Variants in PPP4R3A observed in about 807,000 individuals in gnomAD.
PPP4R3A encodes the protein protein phosphatase 4 regulatory subunit 3A.
PPP4R3A carries 15 observed loss-of-function variants against 91.7 expected under a neutral mutation model. The ratio of observed to expected loss-of-function variants is 0.16; its 90% confidence interval spans 0.11 to 0.25. The LOEUF is 0.25. PPP4R3A is among the 10% of genes least tolerant of loss of function. The probability of loss-of-function intolerance (pLI) is 1.00; values close to 1 mark genes in which losing one functional copy is unlikely to be tolerated. For missense variants in PPP4R3A, 623 were observed against 998.4 expected, an observed-to-expected ratio of 0.62 and a Z score of 5.07; for synonymous variants, 377 against 348.7, an observed-to-expected ratio of 1.08 and a Z score of -0.91.
intron 2 of PPP4R3A, among the ~76,000 whole-genome samples, chr14:91,487,881 G>A (rs1261308471): frequency 1.3e-5 from 2 of 152,100 alleles, no homozygotes; most frequent in African/African-American, 2.4e-5. Flanking sequence ...CATGCCCAAT[G>A]TTTGTATTTT....
At chr14:91,470,685 T>C in intron 10 of PPP4R3A, 152 bp downstream of exon 10, 1 of 794,070 alleles carries the variant, frequency 1.3e-6, no homozygotes, top group Non-Finnish European at 2.0e-6. Context: ...AAACACCTGC[T>C]CAACATGGCA....
chr14:91,471,134 T>A, intron 9 of PPP4R3A, 139 bp from the exon 10 acceptor site: 1 of 738,284 alleles, frequency 1.4e-6, no homozygotes, highest in Middle Eastern at 4.0e-4. Context: ...GAAATTAGCA[T>A]TTACTGAACG....
At chr14:91,462,336 T>C in intron 12 of PPP4R3A, 97 bp from the exon 13 acceptor site, 3 of 1,192,042 alleles carry the variant, frequency 2.5e-6, no homozygotes, top group South Asian at 2.4e-5. Flanking sequence ...GGAATTAACA[T>C]GAAATTTACA....
chr14:91,483,113 AT>A (rs954785972), intron 3 of PPP4R3A, among the ~76,000 whole-genome samples: 3 of 151,996 alleles, frequency 2.0e-5, no homozygotes, highest in Non-Finnish European at 2.9e-5. Context: ...AAAGTAAGGC[AT>A]TTTTTTTGGT....
In PPP4R3A at chr14:91,461,455, C is replaced by T. The variant is rs774242522; in HGVS notation, c.2317G>A (p.Gly773Arg). 3.1e-6 allele frequency: 5 copies of T among 1,613,914 alleles called. No individual in the cohort carries two copies. Among genetic ancestry groups the T allele is most frequent in the Non-Finnish European group, 2.5e-6 (3 of 1,179,984 alleles). ...GGAGAGCCTGGAGATCCTGGGGATC[C>T]AGGTGATCCCGGAGAACCAGGCAGA... The part of the protein sequence containing the change: ...TNLPGSPGSP[G>R]SPGSPGSPGS... Residue 773 changes from glycine (G) to arginine (R), a missense_variant, in exon 14 of 15, where the codon GGA becomes AGA. Gly to Arg is a moderately radical substitution (Grantham distance 125). Transcript: ENST00000554943.
chr14:91,473,443 AC>A, intron 7 of PPP4R3A, 73 bp from the exon 8 acceptor site: 1 of 1,486,528 alleles, frequency 6.7e-7, no homozygotes, highest in Admixed American at 2.0e-5. Flanking sequence ...TAAGACACAT[AC>A]CACAGCATTA....
At chr14:91,489,288 T>C (rs1890092463) in intron 2 of PPP4R3A, among the ~76,000 whole-genome samples, 1 of 152,122 alleles carries the variant, frequency 6.6e-6, no homozygotes, top group Non-Finnish European at 1.5e-5. Flanking sequence ...CTGCCCAAAT[T>C]AGATGGCTCC....
Position 91,481,492 on chromosome 14 carries a change from TAA to T in PPP4R3A, c.915+82_915+83del, listed in dbSNP as rs1889557070. The T allele has an allele frequency of 1.4e-5, 19 of 1,367,860 alleles. No homozygotes were observed. The Admixed American group carries it at 5.2e-4, about 38-fold the overall frequency. The allele number at this position is 1,367,860 out of a possible 1,614,324, so 84.7% of individuals were successfully genotyped here. On this transcript the variant is annotated intron_variant, in intron 4 of 14. Coordinates refer to ENST00000554943, the MANE Select transcript of PPP4R3A (RefSeq NM_001366432.2). ...ACTTAACTTTATACATTAACAAAAT[TAA>T]AACTCAATGTATGTATTTAAAAGGA...
At chr14:91,480,198 A>G (rs1295448917) in intron 4 of PPP4R3A, among the ~76,000 whole-genome samples, 1 of 152,192 alleles carries the variant, frequency 6.6e-6, no homozygotes, top group East Asian at 1.9e-4. Flanking sequence ...TAGACACTTA[A>G]AAAATTCCCA....
intron 1 of PPP4R3A, among the ~76,000 whole-genome samples, chr14:91,492,534 T>C (rs1890287778): frequency 6.6e-6 from 1 of 152,182 alleles, no homozygotes; most frequent in African/African-American, 2.4e-5. Context: ...ACTCAATTTG[T>C]ATATGTCTTA....
intron 1 of PPP4R3A, among the ~76,000 whole-genome samples, chr14:91,494,754 T>C (rs1488979625): frequency 6.6e-6 from 1 of 152,078 alleles, no homozygotes; most frequent in Non-Finnish European, 1.5e-5. Context: ...TAAACCCAGC[T>C]ACTCAGGAGG....
At position 91,493,590 on chromosome 14, in the gene PPP4R3A, G is replaced by C. The variant is rs1890360099; in HGVS notation, c.143-2788C>G. ...GGGAGGATTGCTTGAGGCTAGCCTG[G>C]TCTCATATATAGGATGGTGAGACCC... On this transcript the variant is annotated intron_variant, in intron 1 of 14. Transcript: ENST00000554943. 2.7e-5 allele frequency among the ~76,000 whole-genome samples: 4 copies of C among 150,264 alleles called. No homozygotes were observed. The South Asian group carries it at 8.3e-4, about 31-fold the overall frequency.
chr14:91,481,756 C>T lies in PPP4R3A; in HGVS notation c.735G>A (p.Lys245=), dbSNP rs1232891473. The T allele has an allele frequency of 3.1e-6, 5 of 1,613,766 alleles. No individual in the cohort carries two copies. The African/African-American group carries it at 6.7e-5, about 22-fold the overall frequency. The part of the protein sequence containing the change: ...KHREFLTKTA[K]FKEVIPISDP... The stretch of plus-strand genomic sequence containing the variant: ...CTGATATGGGAATCACTTCTTTAAA[C>T]TTGGCTGTTTTTGTTAGAAATTCCC... Residue 245 remains lysine, a synonymous_variant, in exon 4 of 15, where the codon AAG becomes AAA. Coordinates refer to ENST00000554943, the MANE Select transcript of PPP4R3A (RefSeq NM_001366432.2).
At chr14:91,478,731 C>T (rs1044875438) in intron 4 of PPP4R3A, among the ~76,000 whole-genome samples, 1 of 139,904 alleles carries the variant, frequency 7.1e-6, no homozygotes, top group Non-Finnish European at 1.7e-5. Flanking sequence ...TATTTTAGTT[C>T]ATACTTTTCC....
rs1337336412 is a variant in PPP4R3A, at chr14:91,475,960, C to T, written c.1117G>A (p.Asp373Asn). 2.6e-6 allele frequency: 4 copies of T among 1,550,506 alleles called. No individual in the cohort carries two copies. The Admixed American group carries it at 9.1e-5, about 35-fold the overall frequency. The stretch of plus-strand genomic sequence containing the variant: ...GCAGCACTTCGCACCTGTGTATCAT[C>T]CATGCCCTGCAGACAAAAAACATTT... ...LPALEVILGMDDTQVRSAATD... is the reference protein window; with the variant it reads ...LPALEVILGMNDTQVRSAATD... Residue 373 changes from aspartate (D) to asparagine (N), a missense_variant, in exon 7 of 15, where the codon GAT becomes AAT. This residue lies in a region of PPP4R3A where 264 missense variants were observed against 377.3 expected (regional missense o/e 0.70). Transcript: ENST00000554943.
chr14:91,499,318 G>A lies in PPP4R3A; in HGVS notation c.143-8516C>T, dbSNP rs1398629955. Among the ~76,000 whole-genome samples the A allele has an allele frequency of 3.3e-5, 5 of 151,936 alleles. No homozygotes were observed. In the East Asian group the frequency reaches 9.7e-4, roughly 29 times the overall value. On this transcript the variant is annotated intron_variant, in intron 1 of 14. Coordinates refer to ENST00000554943, the MANE Select transcript of PPP4R3A (RefSeq NM_001366432.2). Reference sequence around the variant, plus strand: ...AAACAAAACAAAAAAAAGTCTAAAGGTATCCTGAGAAAAAAAGTTCGAGGA... The same window carrying A: ...AAACAAAACAAAAAAAAGTCTAAAGATATCCTGAGAAAAAAAGTTCGAGGA...
intron 11 of PPP4R3A, among the ~76,000 whole-genome samples, chr14:91,464,586 GAAAC>G (rs1211024098): frequency 3.9e-5 from 6 of 152,034 alleles, no homozygotes; most frequent in African/African-American, 7.2e-5. Context: ...CTGTCTCTAA[GAAAC>G]AAACAAAACA....
chr14:91,487,226 G>T (rs1488136378), intron 2 of PPP4R3A, among the ~76,000 whole-genome samples: 1 of 141,834 alleles, frequency 7.1e-6, no homozygotes, highest in Non-Finnish European at 1.5e-5. Context: ...CTCCAGCCTG[G>T]GTGACAGAGT....
intron 11 of PPP4R3A, 117 bp downstream of exon 11, chr14:91,465,130 CTTT>C (rs34464175): frequency 6.2e-4 from 383 of 618,656 alleles, no homozygotes; most frequent in South Asian, 1.5e-3. Context: ...GCTTTTAGTA[CTTT>C]TTTTTTTTTT....
Sources: allele counts gnomAD v4.1 joint callset (sites outside exome capture counted in the v4.1 genomes callset), GRCh38; gene constraint gnomAD v4.1.1; regional missense constraint gnomAD v4.1.1; transcripts MANE v1.5; gene names NCBI Gene and HGNC (gene_info 2026-07-23, HGNC 2026-07-21).